Variants in ANK1 observed in about 807,000 individuals in gnomAD.
ANK1 encodes ankyrin-1.
In ANK1, 51 loss-of-function variants were observed where a neutral mutation model predicts 210.4. That is an observed-to-expected ratio of 0.24 (90% CI 0.19 to 0.31). The LOEUF (loss-of-function observed/expected upper bound fraction) is 0.31. ANK1 is among the 10% of genes least tolerant of loss of function. The probability of loss-of-function intolerance (pLI) is 1.00; values close to 1 mark genes in which losing one functional copy is unlikely to be tolerated. For synonymous variants in ANK1, 967 were observed against 1,025.9 expected (o/e 0.94, Z 1.10); for missense variants, 2,051 against 2,504.4 (o/e 0.82, Z 3.86).
At chr8:41,720,860 T>C (rs1829068406) in intron 9 of ANK1, among the ~76,000 whole-genome samples, 2 of 152,168 alleles carry the variant, frequency 1.3e-5, no homozygotes, top group African/African-American at 4.8e-5. Flanking sequence ...CCCAGGGGCC[T>C]CCATGCAGTT....
intron 24 of ANK1, among the ~76,000 whole-genome samples, chr8:41,697,566 G>A (rs868456459): frequency 6.6e-6 from 1 of 151,854 alleles, no homozygotes; most frequent in African/African-American, 2.4e-5. Flanking sequence ...GCACTCCCCC[G>A]CTCTCCCTCC....
At chr8:41,715,601 C>G (rs1364407575) in intron 14 of ANK1, 51 bp downstream of exon 14, 1 of 1,605,838 alleles carries the variant, frequency 6.2e-7, no homozygotes, top group Non-Finnish European at 8.5e-7. Context: ...AGCTCCAGGC[C>G]TGGCTGAGTG....
Position 41,708,905 on chromosome 8 carries a change from T to C in ANK1, c.1871A>G (p.Tyr624Cys). Residue 624 changes from tyrosine to cysteine, a missense_variant, in exon 17 of 43, where the codon TAT becomes TGT. Around this residue, in one of 6 missense-constraint regions of ANK1, gnomAD observed 1,413 missense variants for 1,707.4 expected, o/e 0.83. Coordinates refer to ENST00000289734, the MANE Select transcript of ANK1 (RefSeq NM_000037.4). ...CGACTCGGCGTTTGCTGAGCCCCCA[T>C]ACTGCAGCAGACTACGGGCCACCTC... Reference protein sequence around the residue: ...QVEVARSLLQYGGSANAESVQ... With the variant: ...QVEVARSLLQCGGSANAESVQ... The C allele has an allele frequency of 6.2e-7, 1 of 1,614,062 alleles. No individual in the cohort carries two copies. Among genetic ancestry groups the C allele is most frequent in the Non-Finnish European group, 8.5e-7 (1 of 1,180,024 alleles).
At chr8:41,668,636 A>C in intron 38 of ANK1, 72 bp from the exon 39 acceptor site, 1 of 1,486,814 alleles carries the variant, frequency 6.7e-7, no homozygotes, top group Non-Finnish European at 9.1e-7. Context: ...CATCAGTCTC[A>C]TTCCTTTTAG....
At chr8:41,881,200 A>G (rs1042473737) in intron 1 of ANK1, among the ~76,000 whole-genome samples, 1 of 152,226 alleles carries the variant, frequency 6.6e-6, no homozygotes, top group Non-Finnish European at 1.5e-5. Flanking sequence ...AGTCTAGTCC[A>G]GACTAGAAGC....
rs936669902 is a variant in ANK1 at position 41,679,782 on chromosome 8, T to C, written c.4537+4762A>G. Among the ~76,000 whole-genome samples, 4 of 151,612 alleles carry C rather than the reference T, an allele frequency of 2.6e-5. No homozygotes were observed. The South Asian group carries it at 6.3e-4, about 24-fold the overall frequency. The stretch of plus-strand genomic sequence containing the variant: ...GGTTTCACCGTGTTAGCCAGGATGG[T>C]CTCGATCTCCTGACCTCGTGATCCG... On this transcript the variant is annotated intron_variant, in intron 37 of 42. Transcript: ENST00000289734.
chr8:41,738,307 C>T (rs1034374290), intron 2 of ANK1, among the ~76,000 whole-genome samples: 13 of 152,174 alleles, frequency 8.5e-5, no homozygotes, highest in Non-Finnish European at 1.3e-4. Flanking sequence ...GCACAAACAT[C>T]CAGACCCCAG....
At chr8:41,671,389 C>A (rs769777361) in intron 38 of ANK1, among the ~76,000 whole-genome samples, 1 of 152,260 alleles carries the variant, frequency 6.6e-6, no homozygotes, top group South Asian at 2.1e-4. Context: ...CTAAATATGG[C>A]CTTCAACCGG....
intron 2 of ANK1, among the ~76,000 whole-genome samples, chr8:41,757,779 A>G (rs1028360992): frequency 1.3e-5 from 2 of 152,234 alleles, no homozygotes; most frequent in Non-Finnish European, 2.9e-5. Flanking sequence ...AATCAATTGC[A>G]ACTTCTAAGC....
chr8:41,851,102 A>T (rs1368481319), intron 1 of ANK1, among the ~76,000 whole-genome samples: 1 of 152,202 alleles, frequency 6.6e-6, no homozygotes, highest in African/African-American at 2.4e-5. Flanking sequence ...TGACAGTAAG[A>T]TGCCTCCCTA....
chr8:41,679,382 G>A (rs1391769860), intron 37 of ANK1, among the ~76,000 whole-genome samples: 1 of 151,970 alleles, frequency 6.6e-6, no homozygotes, highest in Non-Finnish European at 1.5e-5. Flanking sequence ...TTCCCTATTT[G>A]TGAGATGAGA....
At chr8:41,805,084 C>CGT (rs888671837) in intron 1 of ANK1, among the ~76,000 whole-genome samples, 205 of 134,052 alleles carry the variant, frequency 1.5e-3, no homozygotes, top group African/African-American at 5.1e-3. Context: ...GTGTGTGTGT[C>CGT]GTGTGTGTGT....
At chr8:41,896,613 C>A (rs1027900963) in exon 1 of ANK1, 37 of 1,229,822 alleles carry the variant, frequency 3.0e-5, no homozygotes, top group Non-Finnish European at 3.7e-5. Flanking sequence ...CCCCGAGGGC[C>A]GGCTGCTGCG....
intron 1 of ANK1, among the ~76,000 whole-genome samples, chr8:41,878,149 AT>A (rs1295337594): frequency 6.6e-6 from 1 of 152,228 alleles, no homozygotes; most frequent in Non-Finnish European, 1.5e-5. Flanking sequence ...CCCAAATGTC[AT>A]TGGCAACAAT....
At chr8:41,748,106 G>A (rs181915822) in intron 2 of ANK1, among the ~76,000 whole-genome samples, 1 of 152,302 alleles carries the variant, frequency 6.6e-6, no homozygotes, top group East Asian at 1.9e-4. Context: ...CATTAACGGT[G>A]TCGCAGGTAC....
chr8:41,734,443 G>A (rs1323512478), intron 2 of ANK1, among the ~76,000 whole-genome samples: 5 of 152,178 alleles, frequency 3.3e-5, no homozygotes, highest in Non-Finnish European at 7.3e-5. Context: ...ACAGTGACCA[G>A]GAAAAGCAAA....
chr8:41,887,683 G>A (rs574830418), intron 1 of ANK1, among the ~76,000 whole-genome samples: 3 of 152,274 alleles, frequency 2.0e-5, no homozygotes, highest in South Asian at 4.1e-4. Context: ...ATGTTACTTG[G>A]CTACTCTGGC....
chr8:41,662,425 CTAGA>C (rs1563333963), intron 40 of ANK1, among the ~76,000 whole-genome samples: 1 of 152,218 alleles, frequency 6.6e-6, no homozygotes, highest in Non-Finnish European at 1.5e-5. Flanking sequence ...AAACCCTCTG[CTAGA>C]CAGCCCTGAA....
chr8:41,780,887 G>T (rs530639731), intron 1 of ANK1, among the ~76,000 whole-genome samples: 1 of 152,232 alleles, frequency 6.6e-6, no homozygotes, highest in East Asian at 1.9e-4. Flanking sequence ...GGGTCCCAGG[G>T]GGTTAGTTTC....
Sources: allele counts gnomAD v4.1 joint callset (sites outside exome capture counted in the v4.1 genomes callset), GRCh38; gene constraint gnomAD v4.1.1; regional missense constraint gnomAD v4.1.1; transcripts MANE v1.5; gene names NCBI Gene and HGNC (gene_info 2026-07-23, HGNC 2026-07-21).